Variants in ESR2 observed in about 807,000 individuals in gnomAD.
ESR2 encodes the protein estrogen receptor 2, also known as estrogen receptor beta.
A neutral mutation model predicts 49.6 loss-of-function variants in ESR2; 36 were observed. That is an observed-to-expected ratio of 0.73 (90% confidence interval 0.56 to 0.96). The LOEUF is 0.96. ESR2 is among the 40% of genes least tolerant of loss of function. ESR2 has a pLI of 0.00. For missense variants in ESR2, 714 were observed against 693.0 expected (o/e 1.03, Z -0.34); for synonymous variants, 320 against 266.1 (o/e 1.20, Z -1.97).
At chr14:64,311,514 C>A (rs772201404) in intron 1 of ESR2, among the ~76,000 whole-genome samples, 1 of 151,834 alleles carries the variant, frequency 6.6e-6, no homozygotes, top group Non-Finnish European at 1.5e-5. Context: ...GTGGTGTGTG[C>A]CTGTAGTCCC....
Position 64,228,677 on chromosome 14 carries a change from T to A in ESR2, c.*4460A>T, listed in dbSNP as rs1461559028. On this transcript the variant is annotated 3_prime_UTR_variant, in exon 9 of 9. Coordinates refer to ENST00000341099, the MANE Select transcript of ESR2 (RefSeq NM_001437.3). Reference sequence around the variant, plus strand: ...AATGCAAAAACATCCATTGTACAGTTAACAGGAACTGTTCGCGGCTGGTAT... The same window carrying A: ...AATGCAAAAACATCCATTGTACAGTAAACAGGAACTGTTCGCGGCTGGTAT... 6.6e-6 allele frequency among the ~76,000 whole-genome samples: 1 copy of A among 152,232 alleles called. No individual in the cohort carries two copies. The highest frequency in any genetic ancestry group is 1.5e-5 in the Non-Finnish European group (1 of 68,028).
upstream of ESR2, among the ~76,000 whole-genome samples, chr14:64,295,046 A>G (rs1279692482): frequency 6.6e-6 from 1 of 152,182 alleles, no homozygotes; most frequent in Non-Finnish European, 1.5e-5. Flanking sequence ...TGGCAGCCCC[A>G]GTTCCCCCAG....
At chr14:64,286,209 A>G (rs1026175341) in intron 1 of ESR2, among the ~76,000 whole-genome samples, 2 of 151,252 alleles carry the variant, frequency 1.3e-5, no homozygotes, top group Admixed American at 1.3e-4. Context: ...AGGAGAGAGA[A>G]TGGTAGCTGG....
At chr14:64,227,194 C>T (rs58262369), downstream of ESR2, 5,240 of 308,098 alleles carry the variant, frequency 0.017, 180 homozygotes, top group East Asian at 0.08. Context: ...CTCCCCTTCT[C>T]TGCCAAAGCA....
At chr14:64,290,392 T>C (rs1169310762) in intron 1 of ESR2, among the ~76,000 whole-genome samples, 1 of 148,350 alleles carries the variant, frequency 6.7e-6, no homozygotes, top group African/African-American at 2.6e-5. Context: ...TTAAATGTAT[T>C]CTTATTTATT....
intron 1 of ESR2, among the ~76,000 whole-genome samples, chr14:64,302,751 G>C (rs2077041470): frequency 6.6e-6 from 1 of 152,212 alleles, no homozygotes; most frequent in African/African-American, 2.4e-5. Flanking sequence ...TCAGCAGCAT[G>C]CAAGAGCCTG....
chr14:64,275,867 G>T (rs1001284902), intron 3 of ESR2, among the ~76,000 whole-genome samples: 2 of 151,962 alleles, frequency 1.3e-5, no homozygotes, highest in Non-Finnish European at 1.5e-5. Flanking sequence ...AAATTTTATT[G>T]TATGCATATT....
At position 64,231,455 on chromosome 14, in the gene ESR2, G is replaced by C. The variant is rs974288118; in HGVS notation, c.*1682C>G. On this transcript the variant is annotated 3_prime_UTR_variant, in exon 9 of 9. Coordinates refer to ENST00000341099, the MANE Select transcript of ESR2 (RefSeq NM_001437.3). The stretch of plus-strand genomic sequence containing the variant: ...ACTAAAGCTGTAACTGAGTCTCTAA[G>C]AATAACTTCAGACTGCCTCAGAACA... 9 of 152,186 alleles carry C rather than the reference G, an allele frequency of 5.9e-5. No homozygotes were observed. Among genetic ancestry groups the C allele is most frequent in the Non-Finnish European group, 1.5e-5 (1 of 68,036 alleles). The allele number at this position is 152,186 out of a possible 1,614,324, so 9.4% of individuals were successfully genotyped here.
intron 4 of ESR2, 47 bp downstream of exon 4, chr14:64,268,748 G>A (rs2076380210): frequency 9.0e-7 from 1 of 1,110,748 alleles, no homozygotes; most frequent in Non-Finnish European, 1.4e-6. Context: ...AGAGGACAGG[G>A]CTTTTAGCAA....
intron 1 of ESR2, among the ~76,000 whole-genome samples, chr14:64,326,134 T>A (rs985440667): frequency 2.0e-5 from 3 of 152,146 alleles, no homozygotes; most frequent in Admixed American, 6.6e-5. Flanking sequence ...TACATACAGA[T>A]TACATTAAAA....
At chr14:64,289,376 G>A (rs112938642) in intron 1 of ESR2, among the ~76,000 whole-genome samples, 22,234 of 152,060 alleles carry the variant, frequency 0.15, 2,169 homozygotes, top group Middle Eastern at 0.23. Context: ...GCCGGGCATG[G>A]TGGCACATGC....
chr14:64,298,894 C>T (rs1198086081), upstream of ESR2, among the ~76,000 whole-genome samples: 1 of 151,878 alleles, frequency 6.6e-6, no homozygotes, highest in African/African-American at 2.4e-5. Flanking sequence ...GAAGCATACA[C>T]ATTTTTGTCC....
At chr14:64,306,093 C>A (rs2140874388) in intron 1 of ESR2, among the ~76,000 whole-genome samples, 1 of 151,838 alleles carries the variant, frequency 6.6e-6, no homozygotes, top group South Asian at 2.1e-4. Context: ...CCTGTAATAC[C>A]AGCTACTCGG....
chr14:64,310,295 T>TAATAAG (rs1379603554), intron 1 of ESR2, among the ~76,000 whole-genome samples: 1 of 146,166 alleles, frequency 6.8e-6, no homozygotes. Context: ...AAAATAATAA[T>TAATAAG]AATAATAATA....
At chr14:64,236,770 C>A (rs2075610436) in intron 7 of ESR2, among the ~76,000 whole-genome samples, 1 of 152,112 alleles carries the variant, frequency 6.6e-6, no homozygotes, top group Non-Finnish European at 1.5e-5. Flanking sequence ...CTTCCCCCAA[C>A]CTCCCTACCA....
At chr14:64,309,003 A>G (rs1008050850) in intron 1 of ESR2, among the ~76,000 whole-genome samples, 1 of 152,116 alleles carries the variant, frequency 6.6e-6, no homozygotes, top group Non-Finnish European at 1.5e-5. Flanking sequence ...AAAAGAAAGA[A>G]AAGAAAATGA....
chr14:64,328,418 C>CA (rs529454785), intron 1 of ESR2, among the ~76,000 whole-genome samples: 1,358 of 129,976 alleles, frequency 0.01, 11 homozygotes, highest in African/African-American at 0.034. Flanking sequence ...GACCCTGTCT[C>CA]AAAAAAAAAA....
At chr14:64,307,884 T>C (rs77852880) in intron 1 of ESR2, among the ~76,000 whole-genome samples, 2,395 of 152,336 alleles carry the variant, frequency 0.016, 67 homozygotes, top group East Asian at 0.088. Flanking sequence ...CTTTAGGCTT[T>C]ATTGATTTCC....
Position 64,235,115 on chromosome 14 carries a change from C to G in ESR2, c.1261G>C (p.Asp421His), listed in dbSNP as rs1388392422. ...AAGTGAGCCAGCTTCCGGCTGCTGT[C>G]AGCATCCTGGGTCGCTGTGACCAGA... is the stretch of plus-strand genomic sequence containing the variant. ...YPLVTATQDA[D>H]SSRKLAHLLN... The change falls in exon 8 of 9, where the codon GAC becomes CAC. Residue 421 changes from aspartate to histidine, a missense_variant. By Grantham distance (81) the Asp-to-His change is moderately conservative. Coordinates refer to ENST00000341099, the MANE Select transcript of ESR2 (RefSeq NM_001437.3). 2.5e-6 allele frequency: 4 copies of G among 1,613,968 alleles called. No individual in the cohort carries two copies. Among genetic ancestry groups the G allele is most frequent in the Non-Finnish European group, 3.4e-6 (4 of 1,180,046 alleles).
Sources: gnomAD v4.1 joint callset for allele counts (sites outside exome capture counted in the v4.1 genomes callset) on GRCh38, gnomAD v4.1.1 for gene constraint, MANE v1.5 for transcripts, NCBI Gene and HGNC (gene_info 2026-07-23, HGNC 2026-07-21) for gene names.